The following BFSP2 variants were observed in gnomAD, a reference collection of about 807,000 sequenced individuals.
BFSP2 encodes the protein beaded filament structural protein 2, also known as phakinin.
BFSP2 carries 38 observed loss-of-function variants against 44.9 expected under a neutral mutation model. The observed-to-expected ratio is 0.85, with a 90% CI of 0.65 to 1.11. The LOEUF is 1.11. BFSP2 is among the 50% of genes least tolerant of loss of function. The probability of loss-of-function intolerance (pLI) is 0.00; values close to 1 mark genes in which losing one functional copy is unlikely to be tolerated. For synonymous variants in BFSP2, 197 were observed against 209.9 expected (o/e 0.94, Z 0.53); for missense variants, 525 against 533.0 (o/e 0.99, Z 0.15).
intron 1 of BFSP2, among the ~76,000 whole-genome samples, chr3:133,432,077 C>G (rs1445230447): frequency 1.3e-5 from 2 of 152,114 alleles, no homozygotes; most frequent in Non-Finnish European, 2.9e-5. Flanking sequence ...CCATTAAAAC[C>G]TAATCACCCT....
At chr3:133,425,595 T>A (rs192324934) in intron 1 of BFSP2, among the ~76,000 whole-genome samples, 148 of 152,226 alleles carry the variant, frequency 9.7e-4, no homozygotes, top group Non-Finnish European at 1.5e-3. Context: ...AATGTCCAGT[T>A]GATATATTAT....
At chr3:133,406,566 TA>T (rs746214769) in intron 1 of BFSP2, among the ~76,000 whole-genome samples, 5 of 147,146 alleles carry the variant, frequency 3.4e-5, no homozygotes, top group Non-Finnish European at 7.4e-5. Flanking sequence ...GCTTGCCATC[TA>T]CCAACCGTGT....
chr3:133,406,464 G>T (rs565295854), intron 1 of BFSP2, among the ~76,000 whole-genome samples: 1 of 152,220 alleles, frequency 6.6e-6, no homozygotes, highest in South Asian at 2.1e-4. Flanking sequence ...ATGGAAGACA[G>T]GGGGTGGGGT....
chr3:133,450,291 T>A lies in BFSP2; in HGVS notation c.730-12T>A. The A allele has an allele frequency of 2.5e-6, 4 of 1,613,446 alleles. No individual in the cohort carries two copies. Among genetic ancestry groups the A allele is most frequent in the Non-Finnish European group, 2.5e-6 (3 of 1,179,328 alleles). On this transcript the variant is annotated splice_polypyrimidine_tract_variant and intron_variant, in intron 3 of 6. Transcript: ENST00000302334. ...CCCGTAACTCATCTAAGATGTATAT[T>A]GTTGTTTTCAGGATGTGAAGCTGCT... is the stretch of plus-strand genomic sequence containing the variant.
At chr3:133,471,814 A>G (rs768931996) in intron 5 of BFSP2, among the ~76,000 whole-genome samples, 3 of 152,130 alleles carry the variant, frequency 2.0e-5, no homozygotes, top group Non-Finnish European at 4.4e-5. Flanking sequence ...TGAGTATATA[A>G]AGGCCAGAGA....
At chr3:133,466,796 C>T in intron 4 of BFSP2, 32 bp from the exon 5 acceptor site, 1 of 1,565,916 alleles carries the variant, frequency 6.4e-7, no homozygotes, top group Non-Finnish European at 8.7e-7. Flanking sequence ...TTCTGATCAT[C>T]ACCGCTCACA....
At position 133,469,089 on chromosome 3, in the gene BFSP2, GA is replaced by G. The variant is rs796474594; in HGVS notation, c.1023+2137del. On this transcript the variant is annotated intron_variant, in intron 5 of 6. Transcript: ENST00000302334. The stretch of plus-strand genomic sequence containing the variant: ...TAAACCCAGGGTCCTAACCATTGGG[GA>G]AAAAAATGGAAAAATAATTTACACT... Among the ~76,000 whole-genome samples the G allele has an allele frequency of 3.3e-5, 5 of 152,182 alleles. No homozygotes were observed. In the East Asian group the frequency reaches 5.8e-4, roughly 18 times the overall value.
At chr3:133,409,440 C>A (rs2073430385) in intron 1 of BFSP2, among the ~76,000 whole-genome samples, 1 of 152,070 alleles carries the variant, frequency 6.6e-6, no homozygotes, top group African/African-American at 2.4e-5. Flanking sequence ...TAAATATATG[C>A]CTATTTCCAA....
chr3:133,421,547 T>G (rs1490147456), intron 1 of BFSP2, among the ~76,000 whole-genome samples: 1 of 151,960 alleles, frequency 6.6e-6, no homozygotes, highest in East Asian at 2.0e-4. Flanking sequence ...GAGCCTACCC[T>G]AATGACCTCA....
rs201642540 is a variant in BFSP2, at chr3:133,450,384, A to G, written c.811A>G (p.Ile271Val). ...DAPIGTGLDD[I>V]LETIRIQWER... ...TCCCATTGGCACTGGTCTGGACGAC[A>G]TCCTTGAGACGATCAGAATTCAGTG... Residue 271 changes from isoleucine to valine, a missense_variant, in exon 4 of 7, where the codon ATC (isoleucine) becomes GTC (valine). Coordinates refer to ENST00000302334, the MANE Select transcript of BFSP2 (RefSeq NM_003571.4). The G allele has an allele frequency of 6.8e-6, 11 of 1,614,218 alleles. No individual in the cohort carries two copies. In the African/African-American group the frequency reaches 1.1e-4, roughly 16 times the overall value.
At chr3:133,434,454 A>G (rs566708382) in intron 1 of BFSP2, among the ~76,000 whole-genome samples, 2 of 151,918 alleles carry the variant, frequency 1.3e-5, no homozygotes, top group East Asian at 3.9e-4. Flanking sequence ...CTCTCTCTCC[A>G]TACCACCCCC....
At chr3:133,434,328 T>G (rs58895916) in intron 1 of BFSP2, among the ~76,000 whole-genome samples, 1 of 151,634 alleles carries the variant, frequency 6.6e-6, no homozygotes, top group Non-Finnish European at 1.5e-5. Context: ...TCTTCTAACA[T>G]CCCCACAATA....
intron 1 of BFSP2, among the ~76,000 whole-genome samples, chr3:133,439,645 G>A (rs182499927): frequency 9.2e-5 from 14 of 152,338 alleles, no homozygotes; most frequent in African/African-American, 3.4e-4. Flanking sequence ...TGCCGAGGTA[G>A]CAGCAGGAGT....
At chr3:133,438,876 A>T (rs2107913833) in intron 1 of BFSP2, among the ~76,000 whole-genome samples, 1 of 152,052 alleles carries the variant, frequency 6.6e-6, no homozygotes, top group East Asian at 1.9e-4. Context: ...ATTATTCTAG[A>T]CTCTTTCTAC....
chr3:133,454,852 T>C (rs2073999065), intron 4 of BFSP2, among the ~76,000 whole-genome samples: 1 of 152,258 alleles, frequency 6.6e-6, no homozygotes, highest in Non-Finnish European at 1.5e-5. Context: ...TTTATCCTTA[T>C]TCTATAAGCT....
chr3:133,474,484 C>T (rs1313004356), intron 6 of BFSP2, among the ~76,000 whole-genome samples: 3 of 152,210 alleles, frequency 2.0e-5, no homozygotes, highest in Non-Finnish European at 2.9e-5. Context: ...AATATGTCAT[C>T]CAGCTCCTCT....
chr3:133,465,507 T>A lies in BFSP2; in HGVS notation c.892-1321T>A, dbSNP rs2074101464. On this transcript the variant is annotated intron_variant, in intron 4 of 6. Transcript: ENST00000302334. ...AATGGGGATGATCTCTCATTTTTCA[T>A]CTTTTCCCCAGAACAGAGGAGTAAC... 1.3e-5 allele frequency among the ~76,000 whole-genome samples: 2 copies of A among 152,234 alleles called. 1 individual carries two copies. The highest frequency in any genetic ancestry group is 4.1e-4 in the South Asian group (2 of 4,836).
In BFSP2 at chr3:133,403,364, C is replaced by G. The variant is rs73863528; in HGVS notation, c.489+2792C>G. Among the ~76,000 whole-genome samples, 558 of 152,234 alleles carry G rather than the reference C, an allele frequency of 3.7e-3. 10 individuals carry two copies. The highest frequency in any genetic ancestry group is 0.013 in the African/African-American group (530 of 41,512). ...TCCACCTGCAGCTGCCTCTTCCCCC[C>G]CTTGTCCACAGAACTCCTCCTGGTC... is the stretch of plus-strand genomic sequence containing the variant. On this transcript the variant is annotated intron_variant, in intron 1 of 6. Coordinates refer to ENST00000302334, the MANE Select transcript of BFSP2 (RefSeq NM_003571.4).
rs1224802904 is a variant in BFSP2, at chr3:133,473,348, C to G, written c.1244+783C>G. On this transcript the variant is annotated intron_variant, in intron 6 of 6. Coordinates refer to ENST00000302334, the MANE Select transcript of BFSP2 (RefSeq NM_003571.4). ...GACAACATTGGCTTTTTGTCTTTATCTTTGTCACCCCATGGTTACCATATG... is the reference window on the plus strand; with the variant it reads ...GACAACATTGGCTTTTTGTCTTTATGTTTGTCACCCCATGGTTACCATATG... 2.8e-5 allele frequency among the ~76,000 whole-genome samples: 4 copies of G among 140,416 alleles called. No individual in the cohort carries two copies. In the East Asian group the frequency reaches 8.8e-4, roughly 31 times the overall value. The allele number at this position is 140,416 out of a possible 152,430, so 92.1% of individuals were successfully genotyped here.
Sources: gnomAD v4.1 joint callset for allele counts (sites outside exome capture counted in the v4.1 genomes callset) on GRCh38, gnomAD v4.1.1 for gene constraint, MANE v1.5 for transcripts, NCBI Gene and HGNC (gene_info 2026-07-23, HGNC 2026-07-21) for gene names.